The following ST8SIA6 variants were observed in gnomAD, a reference collection of about 807,000 sequenced individuals.
The protein encoded by ST8SIA6 is alpha-2,8-sialyltransferase 8F.
Under a neutral mutation model 33.6 loss-of-function variants are expected in ST8SIA6, and 39 were observed. That is an observed-to-expected ratio of 1.16 (90% CI 0.90 to 1.52). The LOEUF is 1.52. ST8SIA6 is among the 40% of genes most tolerant of loss of function. ST8SIA6 has a pLI of 0.00. For synonymous variants in ST8SIA6, 172 were observed against 167.2 expected, an observed-to-expected ratio of 1.03 and a Z score of -0.22; for missense variants, 441 against 443.8, an observed-to-expected ratio of 0.99 and a Z score of 0.06.
At chr10:17,417,791 C>T (rs1851650783) in intron 2 of ST8SIA6, among the ~76,000 whole-genome samples, 1 of 152,146 alleles carries the variant, frequency 6.6e-6, no homozygotes, top group Non-Finnish European at 1.5e-5. Flanking sequence ...GTCCTGGGCT[C>T]TTCACACATC....
intron 2 of ST8SIA6, among the ~76,000 whole-genome samples, chr10:17,405,900 A>AG (rs1483005786): frequency 2.0e-5 from 3 of 151,798 alleles, no homozygotes; most frequent in East Asian, 1.9e-4. Context: ...AAAAAAAAAA[A>AG]AAGAAGAAAG....
At position 17,318,153 on chromosome 10, in the gene ST8SIA6, G is replaced by A. The variant is rs545321585; in HGVS notation, c.*2725C>T. On this transcript the variant is annotated 3_prime_UTR_variant, in exon 8 of 8. Coordinates refer to ENST00000377602, the MANE Select transcript of ST8SIA6 (RefSeq NM_001004470.3). ...GTGGAAAATAGAATCCAGCAAGCTA[G>A]TATTTCTCTTAGAAACTGGTAGTAT... is the stretch of plus-strand genomic sequence containing the variant. 2.0e-5 allele frequency among the ~76,000 whole-genome samples: 3 copies of A among 152,180 alleles called. No individual in the cohort carries two copies. Among genetic ancestry groups the A allele is most frequent in the Admixed American group, 2.0e-4 (3 of 15,286 alleles).
intron 2 of ST8SIA6, among the ~76,000 whole-genome samples, chr10:17,435,938 A>C (rs975325337): frequency 6.6e-6 from 1 of 152,214 alleles, no homozygotes; most frequent in Admixed American, 6.5e-5. Flanking sequence ...GCCATACCCA[A>C]ATAAATCAGA....
chr10:17,359,590 T>C lies in ST8SIA6; in HGVS notation c.301A>G (p.Asn101Asp), dbSNP rs1413048049. ...FSNKTKGYSENDYLQIITDIQ... is the reference protein window; with the variant it reads ...FSNKTKGYSEDDYLQIITDIQ... Reference sequence around the variant, plus strand: ...TCTGTGATAATCTGAAGGTAGTCGTTCTCTGAATACCTAAAAATTAAATGT... The same window carrying C: ...TCTGTGATAATCTGAAGGTAGTCGTCCTCTGAATACCTAAAAATTAAATGT... The change falls in exon 4 of 8, where the codon AAC (asparagine) becomes GAC (aspartate). Residue 101 changes from asparagine (N) to aspartate (D), a missense_variant. By Grantham distance (23) the Asn-to-Asp change is conservative. Coordinates refer to ENST00000377602, the MANE Select transcript of ST8SIA6 (RefSeq NM_001004470.3). The C allele has an allele frequency of 6.3e-7, 1 of 1,598,158 alleles. No individual in the cohort carries two copies. Among genetic ancestry groups the C allele is most frequent in the South Asian group, 1.1e-5 (1 of 87,308 alleles).
In ST8SIA6 at chr10:17,333,047, C is replaced by G. The variant is rs115488618; in HGVS notation, c.378-1495G>C. ...TAGCTTCTTTTGCTGTGCAGAAGCT[C>G]TTTAGTTTAAAATCAATGTGCAAAA... On this transcript the variant is annotated intron_variant, in intron 4 of 7. Coordinates refer to ENST00000377602, the MANE Select transcript of ST8SIA6 (RefSeq NM_001004470.3). Among the ~76,000 whole-genome samples, 1,144 of 152,164 alleles carry G rather than the reference C, an allele frequency of 7.5e-3. 14 individuals are homozygous for G. Among genetic ancestry groups the G allele is most frequent in the African/African-American group, 0.026 (1,076 of 41,524 alleles).
chr10:17,337,137 C>T (rs1392615001), intron 4 of ST8SIA6, among the ~76,000 whole-genome samples: 1 of 139,064 alleles, frequency 7.2e-6, no homozygotes, highest in South Asian at 2.4e-4. Flanking sequence ...AAGTGTGAAG[C>T]ACCTCCCCTT....
chr10:17,419,007 A>AAAAG (rs2131704982), intron 2 of ST8SIA6, among the ~76,000 whole-genome samples: 1 of 151,424 alleles, frequency 6.6e-6, no homozygotes, highest in African/African-American at 2.4e-5. Context: ...AAAAAAAAAA[A>AAAAG]AAAAAAAAGA....
chr10:17,360,397 G>A (rs1414431092), intron 3 of ST8SIA6, among the ~76,000 whole-genome samples: 1 of 148,806 alleles, frequency 6.7e-6, no homozygotes, highest in African/African-American at 2.5e-5. Flanking sequence ...AATGAAACCA[G>A]ACTAATATCT....
chr10:17,344,197 A>G (rs1028633959), intron 4 of ST8SIA6, among the ~76,000 whole-genome samples: 1 of 152,256 alleles, frequency 6.6e-6, no homozygotes, highest in Non-Finnish European at 1.5e-5. Flanking sequence ...GAGGGGGAAA[A>G]GTCAAGAAGA....
At chr10:17,352,190 A>C (rs974400387) in intron 4 of ST8SIA6, among the ~76,000 whole-genome samples, 1 of 152,168 alleles carries the variant, frequency 6.6e-6, no homozygotes, top group Non-Finnish European at 1.5e-5. Context: ...AAACATTTAA[A>C]TTTAAAGGAA....
intron 3 of ST8SIA6, among the ~76,000 whole-genome samples, chr10:17,384,684 G>A (rs1202265804): frequency 6.6e-6 from 1 of 151,914 alleles, no homozygotes; most frequent in Non-Finnish European, 1.5e-5. Context: ...TAAAATCTAA[G>A]CTGTGCTTTC....
chr10:17,436,609 G>C (rs991789338), intron 2 of ST8SIA6, among the ~76,000 whole-genome samples: 1 of 146,936 alleles, frequency 6.8e-6, no homozygotes, highest in Non-Finnish European at 1.5e-5. Context: ...ACCTATGAGT[G>C]AGAACATGCA....
At chr10:17,449,165 CA>C (rs1236767530) in intron 2 of ST8SIA6, among the ~76,000 whole-genome samples, 1 of 149,818 alleles carries the variant, frequency 6.7e-6, no homozygotes, top group East Asian at 1.9e-4. Flanking sequence ...ATTTTTGTTA[CA>C]AAAAAGAGGA....
chr10:17,335,427 C>T lies in ST8SIA6; in HGVS notation c.378-3875G>A, dbSNP rs74619246. ...CAACGATCTAATTTGTCAAGGTCATCTAAAATTTAGTCTTCTGAATTCCAA... is the reference window on the plus strand; with the variant it reads ...CAACGATCTAATTTGTCAAGGTCATTTAAAATTTAGTCTTCTGAATTCCAA... On this transcript the variant is annotated intron_variant, in intron 4 of 7. Coordinates refer to ENST00000377602, the MANE Select transcript of ST8SIA6 (RefSeq NM_001004470.3). 7.5e-3 allele frequency among the ~76,000 whole-genome samples: 1,144 copies of T among 152,276 alleles called. 14 individuals carry two copies. Among genetic ancestry groups the T allele is most frequent in the African/African-American group, 0.026 (1,076 of 41,560 alleles).
At chr10:17,333,717 A>ATTTTTTTTTTTTT (rs71392102) in intron 4 of ST8SIA6, among the ~76,000 whole-genome samples, 1 of 33,770 alleles carries the variant, frequency 3.0e-5, no homozygotes, top group African/African-American at 1.7e-4. Flanking sequence ...ATATATATAT[A>ATTTTTTTTTTTTT]TTTTTTTTTT....
Position 17,430,297 on chromosome 10 carries a change from T to C in ST8SIA6, c.200+23262A>G, listed in dbSNP as rs190201029. 2.9e-3 allele frequency among the ~76,000 whole-genome samples: 437 copies of C among 152,324 alleles called. 3 individuals carry two copies. The highest frequency in any genetic ancestry group is 0.01 in the African/African-American group (428 of 41,564). On this transcript the variant is annotated intron_variant, in intron 2 of 7. Coordinates refer to ENST00000377602, the MANE Select transcript of ST8SIA6 (RefSeq NM_001004470.3). ...ACACCACATCTTCTTTATCAACTCA[T>C]TGGATGGGCACTTACGTCAGTTCCA...
At chr10:17,422,284 T>A (rs893433042) in intron 2 of ST8SIA6, among the ~76,000 whole-genome samples, 2 of 152,238 alleles carry the variant, frequency 1.3e-5, no homozygotes, top group African/African-American at 4.8e-5. Flanking sequence ...CCATTTTCAA[T>A]GTCCAAAATA....
chr10:17,438,384 A>C (rs1364120674), intron 2 of ST8SIA6, among the ~76,000 whole-genome samples: 1 of 152,198 alleles, frequency 6.6e-6, no homozygotes, highest in Non-Finnish European at 1.5e-5. Flanking sequence ...AAGGCATGCC[A>C]ATATAGCTCC....
chr10:17,403,433 G>A (rs768688232), intron 2 of ST8SIA6: 1 of 152,172 alleles, frequency 6.6e-6, no homozygotes, highest in South Asian at 2.1e-4. Flanking sequence ...AAAGTGTAGA[G>A]TCAGTGTGGA....
Sources: gnomAD v4.1 joint callset for allele counts (sites outside exome capture counted in the v4.1 genomes callset) on GRCh38, gnomAD v4.1.1 for gene constraint, MANE v1.5 for transcripts, NCBI Gene and HGNC (gene_info 2026-07-23, HGNC 2026-07-21) for gene names.